The following UBASH3B variants were observed in gnomAD, a reference collection of about 807,000 sequenced individuals.
UBASH3B encodes ubiquitin-associated and SH3 domain-containing protein B.
In UBASH3B, 37 loss-of-function variants were observed where a neutral mutation model predicts 83.4. The ratio of observed to expected loss-of-function variants is 0.44; its 90% confidence interval spans 0.34 to 0.58. The LOEUF is 0.58. Ranked by LOEUF, UBASH3B falls within the 20% of genes least tolerant of loss-of-function variation. The probability of loss-of-function intolerance (pLI) is 0.01; values close to 1 mark genes in which losing one functional copy is unlikely to be tolerated. For missense variants in UBASH3B, 657 were observed against 827.2 expected, an observed-to-expected ratio of 0.79 and a Z score of 2.52; for synonymous variants, 304 against 318.3, an observed-to-expected ratio of 0.96 and a Z score of 0.48.
chr11:122,749,930 G>T (rs1160098088), intron 1 of UBASH3B, among the ~76,000 whole-genome samples: 3 of 152,022 alleles, frequency 2.0e-5, no homozygotes, highest in Non-Finnish European at 4.4e-5. Context: ...ATGGGTTTTT[G>T]CCATCTTGGC....
At chr11:122,689,378 A>G (rs998782419) in intron 1 of UBASH3B, among the ~76,000 whole-genome samples, 1 of 152,038 alleles carries the variant, frequency 6.6e-6, no homozygotes. Context: ...TTTTTGGAAA[A>G]CTAGGTCATT....
intron 1 of UBASH3B, among the ~76,000 whole-genome samples, chr11:122,660,497 A>G (rs549650612): frequency 1.1e-3 from 174 of 152,338 alleles, no homozygotes; most frequent in Middle Eastern, 6.8e-3. Context: ...GACCTGAGGA[A>G]GAGGAGACCT....
chr11:122,664,020 C>T (rs1281485540), intron 1 of UBASH3B, among the ~76,000 whole-genome samples: 1 of 152,138 alleles, frequency 6.6e-6, no homozygotes, highest in Non-Finnish European at 1.5e-5. Context: ...CCACATGGCT[C>T]CCTCTGTGGT....
intron 1 of UBASH3B, among the ~76,000 whole-genome samples, chr11:122,684,233 G>T (rs1426787723): frequency 6.6e-6 from 1 of 152,200 alleles, no homozygotes; most frequent in African/African-American, 2.4e-5. Context: ...AGACAAGATT[G>T]ATCAATGAGG....
At chr11:122,745,285 C>T (rs568617527) in intron 1 of UBASH3B, among the ~76,000 whole-genome samples, 1 of 152,348 alleles carries the variant, frequency 6.6e-6, no homozygotes, top group East Asian at 1.9e-4. Context: ...GCAGGCAGCA[C>T]GTCTAGTCCA....
chr11:122,759,144 T>C lies in UBASH3B; in HGVS notation c.162-17075T>C, dbSNP rs1565554561. Among the ~76,000 whole-genome samples the C allele has an allele frequency of 6.6e-6, 1 of 152,204 alleles. No homozygotes were observed. The highest frequency in any genetic ancestry group is 1.5e-5 in the Non-Finnish European group (1 of 68,034). ...AGATCCACTTATAAGCTCACCCACA[T>C]TGTTGGCAGAAGTCATTTCCTTTTG... is the stretch of plus-strand genomic sequence containing the variant. On this transcript the variant is annotated intron_variant, in intron 1 of 13. Transcript: ENST00000284273. This position sits in a 1 kb window ranked among gnomAD's most constrained non-coding sequence, Gnocchi z 4.1.
chr11:122,774,286 G>A (rs2135136356), intron 1 of UBASH3B: 1 of 985,448 alleles, frequency 1.0e-6, no homozygotes, highest in Non-Finnish European at 1.2e-6. Flanking sequence ...GCCTTTTACA[G>A]TGCTGTTCTC....
chr11:122,777,321 A>AG, intron 3 of UBASH3B, 111 bp downstream of exon 3: 1 of 1,187,872 alleles, frequency 8.4e-7, no homozygotes, highest in South Asian at 1.6e-5. Context: ...GAATAGTCAC[A>AG]GGCTCCTACA....
At chr11:122,777,346 C>CTTTTTT in intron 3 of UBASH3B, 136 bp downstream of exon 3, 1 of 986,184 alleles carries the variant, frequency 1.0e-6, no homozygotes, top group Admixed American at 3.0e-5. Flanking sequence ...GAGGGACCTT[C>CTTTTTT]AAGGGATCAG....
intron 1 of UBASH3B, among the ~76,000 whole-genome samples, chr11:122,710,275 G>A (rs1194532744): frequency 1.3e-5 from 2 of 152,154 alleles, no homozygotes; most frequent in Non-Finnish European, 2.9e-5. Flanking sequence ...AGAAGACAGA[G>A]GTAAATGCAG....
chr11:122,764,555 T>G (rs1275007630), intron 1 of UBASH3B, among the ~76,000 whole-genome samples: 1 of 152,260 alleles, frequency 6.6e-6, no homozygotes, highest in Non-Finnish European at 1.5e-5. Context: ...CTCCTTGGCT[T>G]GCGCAGCTCT....
chr11:122,700,074 T>C (rs1864022554), intron 1 of UBASH3B, among the ~76,000 whole-genome samples: 1 of 152,328 alleles, frequency 6.6e-6, no homozygotes. Context: ...TGAGGTATCA[T>C]GTGTGGGTAC....
At chr11:122,690,724 G>T (rs994094255) in intron 1 of UBASH3B, among the ~76,000 whole-genome samples, 2 of 152,134 alleles carry the variant, frequency 1.3e-5, no homozygotes, top group African/African-American at 4.8e-5. Context: ...CAAAACTCAC[G>T]CTTGTTGCCT....
At chr11:122,770,155 C>T (rs1432102200) in intron 1 of UBASH3B, among the ~76,000 whole-genome samples, 3 of 152,226 alleles carry the variant, frequency 2.0e-5, no homozygotes, top group African/African-American at 7.2e-5. Flanking sequence ...ACAGTGCCTA[C>T]CGCCACGCAT....
chr11:122,687,522 G>C lies in UBASH3B; in HGVS notation c.161+31312G>C, dbSNP rs145759155. ...GATGGAGAGCAGGTGTGTTGTATTG[G>C]GGGGGCAGATGAGTGAGGAGGGACC... On this transcript the variant is annotated intron_variant, in intron 1 of 13. Transcript: ENST00000284273. 2.5e-3 allele frequency among the ~76,000 whole-genome samples: 385 copies of C among 152,214 alleles called. 2 individuals are homozygous for C. The highest frequency in any genetic ancestry group is 8.2e-3 in the African/African-American group (341 of 41,556).
intron 1 of UBASH3B, among the ~76,000 whole-genome samples, chr11:122,737,063 G>A (rs1357015295): frequency 2.0e-5 from 3 of 152,104 alleles, no homozygotes; most frequent in Non-Finnish European, 2.9e-5. Context: ...AATGTGGCAC[G>A]TTCAAGGAAC....
rs1198313243 is a variant in UBASH3B, at chr11:122,688,444, G to GTT, written c.161+32236_161+32237dup. Reference sequence around the variant, plus strand: ...ACACCGCTAATTTTGGGGTTTTGTGGTTTGTTTGTTTTTTTTTTTGAGACG... The same window carrying GTT: ...ACACCGCTAATTTTGGGGTTTTGTGGTTTTTGTTTGTTTTTTTTTTTGAGACG... On this transcript the variant is annotated intron_variant, in intron 1 of 13. Coordinates refer to ENST00000284273, the MANE Select transcript of UBASH3B (RefSeq NM_032873.5). 9.5e-5 allele frequency among the ~76,000 whole-genome samples: 9 copies of GTT among 94,516 alleles called. No individual in the cohort carries two copies. The East Asian group carries it at 1.2e-3, about 13-fold the overall frequency. The allele number at this position is 94,516 out of a possible 152,430, so 62.0% of individuals were successfully genotyped here. A position where few individuals can be genotyped will look rare whatever the true frequency, so the allele number is the denominator to read the frequency against.
intron 1 of UBASH3B, among the ~76,000 whole-genome samples, chr11:122,695,388 A>C (rs1863953895): frequency 6.6e-6 from 1 of 152,176 alleles, no homozygotes; most frequent in Non-Finnish European, 1.5e-5. Flanking sequence ...GAGCCTGCGG[A>C]TGGGTGGGAG....
intron 1 of UBASH3B, among the ~76,000 whole-genome samples, chr11:122,723,833 G>C (rs982385621): frequency 6.6e-6 from 1 of 152,228 alleles, no homozygotes; most frequent in Non-Finnish European, 1.5e-5. Context: ...AAGGAGGCAG[G>C]GTGGCCCTGG....
Sources: allele counts gnomAD v4.1 joint callset (sites outside exome capture counted in the v4.1 genomes callset), GRCh38; gene constraint gnomAD v4.1.1; non-coding constraint Gnocchi (gnomAD v3.1); transcripts MANE v1.5; gene names NCBI Gene and HGNC (gene_info 2026-07-23, HGNC 2026-07-21).